The following SPAST variants were observed in gnomAD, a reference collection of about 807,000 sequenced individuals.
SPAST encodes spastic paraplegia 4 (autosomal dominant; spastin).
A neutral mutation model predicts 76.6 loss-of-function variants in SPAST; 30 were observed. The observed-to-expected ratio is 0.39, with a 90% CI of 0.29 to 0.53. The LOEUF (loss-of-function observed/expected upper bound fraction) is 0.53. Ranked by LOEUF, SPAST falls within the 20% of genes least tolerant of loss-of-function variation. The pLI, the probability that SPAST is intolerant of heterozygous loss-of-function variation, is 0.68. For missense variants in SPAST, 717 were observed against 770.5 expected (o/e 0.93, Z 0.82); for synonymous variants, 305 against 281.0 (o/e 1.09, Z -0.86).
rs548730170 is a variant in SPAST at position 32,068,273 on chromosome 2, C to T, written c.415+4027C>T. ...GATTACAGGCGTGAGCCACCGCGCC[C>T]GGCACATATTTTGATTTCTAATGTG... On this transcript the variant is annotated intron_variant, in intron 1 of 16. Transcript: ENST00000315285. Among the ~76,000 whole-genome samples, 37 of 151,826 alleles carry T rather than the reference C, an allele frequency of 2.4e-4. 1 individual carries two copies. The highest frequency in any genetic ancestry group is 7.0e-4 in the African/African-American group (29 of 41,392).
At chr2:32,075,031 T>A (rs1293424261) in intron 1 of SPAST, among the ~76,000 whole-genome samples, 1 of 152,182 alleles carries the variant, frequency 6.6e-6, no homozygotes, top group East Asian at 1.9e-4. Flanking sequence ...CTAGAGGTTA[T>A]GTTAGAACAT....
rs375502632 is a variant in SPAST, at chr2:32,143,304, A to C, written c.1537-32A>C. 136 of 1,227,700 alleles carry C rather than the reference A, an allele frequency of 1.1e-4. No homozygotes were observed. The African/African-American group carries it at 1.8e-3, about 16-fold the overall frequency. The allele number at this position is 1,227,700 out of a possible 1,614,324, so 76.1% of individuals were successfully genotyped here. A position where few individuals can be genotyped will look rare whatever the true frequency, so the allele number is the denominator to read the frequency against. On this transcript the variant is annotated intron_variant, in intron 13 of 16. Transcript: ENST00000315285. Reference sequence around the variant, plus strand: ...GAAAAGAATCATTAATTCTGAAATTAGACTGAATGATCATTTTTTAATATT... The same window carrying C: ...GAAAAGAATCATTAATTCTGAAATTCGACTGAATGATCATTTTTTAATATT...
At chr2:32,125,935 C>T (rs1679176050) in intron 7 of SPAST, among the ~76,000 whole-genome samples, 1 of 152,148 alleles carries the variant, frequency 6.6e-6, no homozygotes, top group African/African-American at 2.4e-5. Context: ...GCTGGGACGA[C>T]AGGCACCCGC....
intron 2 of SPAST, 44 bp from the exon 3 acceptor site, chr2:32,089,478 T>C: frequency 9.5e-7 from 1 of 1,049,174 alleles, no homozygotes. Flanking sequence ...TGAAACAATA[T>C]TAGTTGGGAA....
intron 4 of SPAST, among the ~76,000 whole-genome samples, chr2:32,105,519 TGGA>T (rs963587449): frequency 2.0e-5 from 3 of 152,218 alleles, no homozygotes; most frequent in Non-Finnish European, 4.4e-5. Context: ...TGTGTTCCTT[TGGA>T]GGAGAAGAGG....
intron 9 of SPAST, among the ~76,000 whole-genome samples, chr2:32,132,935 AC>A (rs1245824652): frequency 3.3e-5 from 5 of 152,138 alleles, no homozygotes; most frequent in Non-Finnish European, 7.4e-5. Flanking sequence ...AATCCCAGCT[AC>A]TCGGGAGGCT....
At chr2:32,133,954 T>C (rs1172918970) in intron 9 of SPAST, among the ~76,000 whole-genome samples, 1 of 152,222 alleles carries the variant, frequency 6.6e-6, no homozygotes, top group Non-Finnish European at 1.5e-5. Context: ...CTAAAGTAGT[T>C]AAAAGTAACT....
intron 16 of SPAST, among the ~76,000 whole-genome samples, chr2:32,147,960 G>T (rs1482527156): frequency 2.8e-5 from 4 of 145,178 alleles, no homozygotes; most frequent in Admixed American, 6.9e-5. Context: ...GAGACACAGG[G>T]TCTTGCTCTG....
rs1281266566 is a variant in SPAST at position 32,114,623 on chromosome 2, CT to C, written c.683-10del. On this transcript the variant is annotated splice_polypyrimidine_tract_variant and intron_variant, in intron 4 of 16. Transcript: ENST00000315285. ...CAATTTTCTAATCACAATGGTTTTACTTTTTCCTTGTCAGAAAGTGGAGCTG... is the reference window on the plus strand; with the variant it reads ...CAATTTTCTAATCACAATGGTTTTACTTTTCCTTGTCAGAAAGTGGAGCTG... 2 of 1,611,112 alleles carry C rather than the reference CT, an allele frequency of 1.2e-6. No homozygotes were observed. Among genetic ancestry groups the C allele is most frequent in the Non-Finnish European group, 1.7e-6 (2 of 1,177,446 alleles).
chr2:32,132,331 C>T (rs934815602), intron 9 of SPAST, among the ~76,000 whole-genome samples: 1 of 152,082 alleles, frequency 6.6e-6, no homozygotes, highest in African/African-American at 2.4e-5. Context: ...GTGGAGTTTG[C>T]TGTGAGCCGA....
At chr2:32,105,183 T>G (rs992241463) in intron 4 of SPAST, among the ~76,000 whole-genome samples, 7 of 152,180 alleles carry the variant, frequency 4.6e-5, no homozygotes, top group African/African-American at 1.7e-4. Context: ...ACTTCTCTTC[T>G]GGCTTCATTT....
At chr2:32,105,844 A>C (rs1438338955) in intron 4 of SPAST, among the ~76,000 whole-genome samples, 1 of 152,122 alleles carries the variant, frequency 6.6e-6, no homozygotes, top group African/African-American at 2.4e-5. Context: ...AGGGGTACCC[A>C]GGTATATGAG....
chr2:32,083,115 G>A (rs569706434), intron 1 of SPAST, among the ~76,000 whole-genome samples: 84 of 152,118 alleles, frequency 5.5e-4, no homozygotes, highest in South Asian at 5.2e-3. Flanking sequence ...GTGATTACAG[G>A]TGCCCGCCAC....
chr2:32,065,717 A>G (rs1194143316), intron 1 of SPAST, among the ~76,000 whole-genome samples: 2 of 152,172 alleles, frequency 1.3e-5, no homozygotes, highest in Admixed American at 6.5e-5. Flanking sequence ...ATTAGTGAAA[A>G]CAGAAACAAT....
At chr2:32,150,909 A>C (rs970440489) in intron 16 of SPAST, among the ~76,000 whole-genome samples, 15 of 151,148 alleles carry the variant, frequency 9.9e-5, no homozygotes, top group African/African-American at 3.7e-4. Flanking sequence ...TTAATTATAT[A>C]TATTCAGGTT....
At chr2:32,111,642 TTTATA>T (rs1270808120) in intron 4 of SPAST, among the ~76,000 whole-genome samples, 1 of 151,102 alleles carries the variant, frequency 6.6e-6, no homozygotes, top group African/African-American at 2.4e-5. Flanking sequence ...GTTCTCTAAC[TTTATA>T]TTATAGGTAT....
chr2:32,099,719 G>A (rs1322992288), intron 4 of SPAST, among the ~76,000 whole-genome samples: 1 of 151,818 alleles, frequency 6.6e-6, no homozygotes, highest in Non-Finnish European at 1.5e-5. Context: ...ATATTATATT[G>A]TTACCTATAA....
At position 32,137,096 on chromosome 2, in the gene SPAST, T is replaced by C; in HGVS notation, c.1414-13T>C. 1 of 1,611,556 alleles carries C rather than the reference T, an allele frequency of 6.2e-7. No individual in the cohort carries two copies. Among genetic ancestry groups the C allele is most frequent in the Non-Finnish European group, 8.5e-7 (1 of 1,177,724 alleles). ...TTTTCTAAATGAATTGAAAAAAGAT[T>C]TTTTGCTTGTAGGTACAGTCTGCTG... On this transcript the variant is annotated splice_polypyrimidine_tract_variant and intron_variant, in intron 11 of 16. Coordinates refer to ENST00000315285, the MANE Select transcript of SPAST (RefSeq NM_014946.4).
intron 1 of SPAST, among the ~76,000 whole-genome samples, chr2:32,067,845 ATAAAT>A (rs1347817635): frequency 6.6e-6 from 1 of 151,546 alleles, no homozygotes; most frequent in African/African-American, 2.4e-5. Context: ...TAAAAAAAAA[ATAAAT>A]TAGGTTTTAT....
Sources: gnomAD v4.1 joint callset for allele counts (sites outside exome capture counted in the v4.1 genomes callset) on GRCh38, gnomAD v4.1.1 for gene constraint, MANE v1.5 for transcripts, NCBI Gene and HGNC (gene_info 2026-07-23, HGNC 2026-07-21) for gene names.